Variants in UNC80 observed in about 807,000 individuals in gnomAD.
UNC80 encodes the protein unc-80 subunit of NALCN channel complex.
In UNC80, 164 loss-of-function variants were observed where a neutral mutation model predicts 384.6. That is an observed-to-expected ratio of 0.43 (90% CI 0.38 to 0.49). The LOEUF is 0.49. Among genes scored for constraint, UNC80 ranks in the 20% least tolerant of loss-of-function variants. UNC80 has a pLI of 0.00. For missense variants in UNC80, 3,330 were observed against 4,143.0 expected, an observed-to-expected ratio of 0.80 and a Z score of 5.39; for synonymous variants, 1,486 against 1,527.8, an observed-to-expected ratio of 0.97 and a Z score of 0.64.
At chr2:209,795,425 T>TG (rs2078092700) in intron 7 of UNC80, 1 of 152,216 alleles carries the variant, frequency 6.6e-6, no homozygotes, top group African/African-American at 2.4e-5. Flanking sequence ...ACCAATTTTC[T>TG]GGGGAGAAAT....
intron 12 of UNC80, among the ~76,000 whole-genome samples, 175 bp downstream of exon 12, chr2:209,819,436 C>CT (rs201907873): frequency 0.012 from 1,815 of 151,356 alleles, 40 homozygotes; most frequent in African/African-American, 0.04. Flanking sequence ...GTGCACCTTA[C>CT]TTTTTTTTCA....
At chr2:209,945,288 G>A in intron 46 of UNC80, 99 bp downstream of exon 46, 1 of 1,216,676 alleles carries the variant, frequency 8.2e-7, no homozygotes, top group Non-Finnish European at 1.1e-6. Context: ...ATATGTGTGT[G>A]TATATATAAC....
intron 16 of UNC80, among the ~76,000 whole-genome samples, chr2:209,833,276 CAAAAA>C (rs554565630): frequency 8.2e-5 from 8 of 97,362 alleles, no homozygotes; most frequent in Admixed American, 1.1e-4. Flanking sequence ...TTTCCTAAGG[CAAAAA>C]AAAAAAAAAA....
At chr2:209,989,247 C>T (rs754086472) in intron 61 of UNC80, among the ~76,000 whole-genome samples, 3 of 150,870 alleles carry the variant, frequency 2.0e-5, no homozygotes, top group African/African-American at 4.9e-5. Flanking sequence ...ATTGCTTGAA[C>T]GCAGGAGGTG....
chr2:209,831,193 G>C (rs907492582), intron 15 of UNC80, among the ~76,000 whole-genome samples: 3 of 148,342 alleles, frequency 2.0e-5, no homozygotes, highest in Non-Finnish European at 3.0e-5. Flanking sequence ...CCTTTCCTTT[G>C]CTAAGATTTA....
At chr2:209,954,320 T>C (rs2092319091) in intron 48 of UNC80, 50 bp downstream of exon 48, 2 of 1,328,658 alleles carry the variant, frequency 1.5e-6, no homozygotes, top group South Asian at 2.2e-5. Flanking sequence ...ATGTTTCCAC[T>C]GAAAAAAAAA....
intron 29 of UNC80, among the ~76,000 whole-genome samples, chr2:209,909,454 C>T (rs112212684): frequency 5.3e-5 from 8 of 152,134 alleles, no homozygotes; most frequent in African/African-American, 1.4e-4. Context: ...TGCTTCTTTC[C>T]GCATCATCTC....
intron 25 of UNC80, among the ~76,000 whole-genome samples, chr2:209,881,849 C>T (rs993780995): frequency 3.9e-5 from 6 of 152,146 alleles, no homozygotes; most frequent in African/African-American, 1.4e-4. Flanking sequence ...TCATCACAGG[C>T]ATCATCCAGC....
At position 209,994,973 on chromosome 2, in the gene UNC80, G is replaced by A. The variant is rs114926592; in HGVS notation, c.9709-356G>A. ...TTTCATTTTTATAAATGAATTCTTA[G>A]AGTGTCAGATTCTTCTCATGTGGTA... On this transcript the variant is annotated intron_variant, in intron 64 of 64. Transcript: ENST00000673920. Among the ~76,000 whole-genome samples, 1,426 of 151,998 alleles carry A rather than the reference G, an allele frequency of 9.4e-3. 22 individuals are homozygous for A. The highest frequency in any genetic ancestry group is 0.029 in the African/African-American group (1,218 of 41,416).
chr2:209,969,986 G>T (rs1417881735), intron 53 of UNC80, 95 bp downstream of exon 53: 2 of 1,440,058 alleles, frequency 1.4e-6, no homozygotes, highest in African/African-American at 2.8e-5. Flanking sequence ...ACCACTTTGT[G>T]CCCCTATCTG....
intron 6 of UNC80, among the ~76,000 whole-genome samples, chr2:209,792,051 T>G (rs1462071724): frequency 2.6e-5 from 4 of 152,056 alleles, no homozygotes. Context: ...TACCTGTAAT[T>G]CCAGCACTTT....
Position 209,872,716 on chromosome 2 carries a change from TC to T in UNC80, c.3628-41del, listed in dbSNP as rs1479012161. On this transcript the variant is annotated intron_variant, in intron 22 of 64. Coordinates refer to ENST00000673920, the MANE Select transcript of UNC80 (RefSeq NM_001371986.1). The surrounding 1 kb of genome is among the most constrained non-coding windows in gnomAD (Gnocchi z 4.1). ...TTTAAGACCAATTTAAAGTTATTGT[TC>T]ATTAATCCCACATTATTCTTTCCTA... 2.0e-5 allele frequency: 29 copies of T among 1,483,562 alleles called. No homozygotes were observed. The highest frequency in any genetic ancestry group is 1.7e-4 in the Middle Eastern group (1 of 5,874). 91.9% of individuals were successfully genotyped at this position (1,483,562 alleles called of 1,614,324 possible).
intron 51 of UNC80, among the ~76,000 whole-genome samples, chr2:209,965,346 G>A (rs1384680806): frequency 1.3e-5 from 2 of 152,152 alleles, no homozygotes; most frequent in African/African-American, 4.8e-5. Flanking sequence ...CTGAGGTTGA[G>A]AGATGGGTAT....
intron 28 of UNC80, 147 bp downstream of exon 28, chr2:209,896,560 C>G (rs1483320411): frequency 7.0e-6 from 5 of 717,096 alleles, no homozygotes; most frequent in Non-Finnish European, 1.2e-5. Context: ...ACCTGAATAT[C>G]TCAACACTCT....
chr2:209,788,974 T>C (rs1424930951), intron 5 of UNC80, among the ~76,000 whole-genome samples: 1 of 152,198 alleles, frequency 6.6e-6, no homozygotes. Context: ...TGATATTTTC[T>C]ATGTTTAGAT....
chr2:209,906,622 T>C lies in UNC80; in HGVS notation c.4782+1657T>C, dbSNP rs138987685. ...GTCAGGGCTTTTTAAACTAGACTGTTTTGCATTTCATGTTATGCAAATAAT... is the reference window on the plus strand; with the variant it reads ...GTCAGGGCTTTTTAAACTAGACTGTCTTGCATTTCATGTTATGCAAATAAT... On this transcript the variant is annotated intron_variant, in intron 29 of 64. Transcript: ENST00000673920. Among the ~76,000 whole-genome samples the C allele has an allele frequency of 1.7e-3, 264 of 152,218 alleles. 2 individuals carry two copies. The highest frequency in any genetic ancestry group is 6.1e-3 in the African/African-American group (253 of 41,538).
chr2:209,941,024 A>T (rs2091593467), intron 43 of UNC80, among the ~76,000 whole-genome samples, 197 bp from the exon 44 acceptor site: 1 of 152,224 alleles, frequency 6.6e-6, no homozygotes. Context: ...TAAAGAGGTG[A>T]TGATGAAAGT....
chr2:209,895,683 A>G (rs774192968), intron 27 of UNC80, among the ~76,000 whole-genome samples: 2 of 152,206 alleles, frequency 1.3e-5, no homozygotes, highest in Non-Finnish European at 2.9e-5. Flanking sequence ...AAGATTTTAG[A>G]TTTGAGGGGA....
chr2:209,855,810 T>G (rs1357208675), intron 22 of UNC80, among the ~76,000 whole-genome samples: 1 of 152,166 alleles, frequency 6.6e-6, no homozygotes, highest in Non-Finnish European at 1.5e-5. Context: ...TGTTGATGCA[T>G]TTAGTGTTAA....
Sources: allele counts gnomAD v4.1 joint callset (sites outside exome capture counted in the v4.1 genomes callset), GRCh38; gene constraint gnomAD v4.1.1; non-coding constraint Gnocchi (gnomAD v3.1); transcripts MANE v1.5; gene names NCBI Gene and HGNC (gene_info 2026-07-23, HGNC 2026-07-21).